The following TTC3 variants were observed in gnomAD, a reference collection of about 807,000 sequenced individuals.
TTC3 encodes the protein tetratricopeptide repeat domain 3.
In TTC3, 180 loss-of-function variants were observed where a neutral mutation model predicts 249.6. The observed-to-expected ratio is 0.72, with a 90% CI of 0.64 to 0.82. The LOEUF is 0.82. TTC3 is among the 40% of genes least tolerant of loss of function. The pLI, the probability that TTC3 is intolerant of heterozygous loss-of-function variation, is 0.00. For missense variants in TTC3, 2,061 were observed against 2,398.4 expected (o/e 0.86, Z 2.94); for synonymous variants, 717 against 805.0 (o/e 0.89, Z 1.85).
chr21:37,139,961 GT>G (rs2078286915), intron 19 of TTC3, among the ~76,000 whole-genome samples: 1 of 152,066 alleles, frequency 6.6e-6, no homozygotes, highest in Non-Finnish European at 1.5e-5. Flanking sequence ...TCACAGTAGG[GT>G]TACCAGTATT....
intron 16 of TTC3, among the ~76,000 whole-genome samples, chr21:37,131,034 G>A (rs2077430117): frequency 6.6e-6 from 1 of 152,190 alleles, no homozygotes; most frequent in African/African-American, 2.4e-5. Context: ...ACAGGAGGGT[G>A]TGGTATAATA....
chr21:37,076,205 T>G (rs1179933325), intron 1 of TTC3, among the ~76,000 whole-genome samples: 1 of 152,224 alleles, frequency 6.6e-6, no homozygotes, highest in African/African-American at 2.4e-5. Context: ...TATAGTTTCC[T>G]GGGACTTGCT....
chr21:37,118,795 A>G (rs1003719), intron 11 of TTC3, among the ~76,000 whole-genome samples: 72,906 of 151,884 alleles, frequency 0.48, 18,211 homozygotes, highest in Non-Finnish European at 0.56. Flanking sequence ...TATGTCTTCA[A>G]GCTCACCCAT....
At chr21:37,151,388 T>G (rs2079451798) in intron 25 of TTC3, among the ~76,000 whole-genome samples, 1 of 152,154 alleles carries the variant, frequency 6.6e-6, no homozygotes, top group African/African-American at 2.4e-5. Flanking sequence ...TGGTCCTGCT[T>G]CTTGTTTTTC....
At chr21:37,150,718 C>G in intron 24 of TTC3, 102 bp from the exon 25 acceptor site, 2 of 797,838 alleles carry the variant, frequency 2.5e-6, no homozygotes, top group Non-Finnish European at 4.4e-6. Flanking sequence ...CTCTATCAAA[C>G]TGAACATTAT....
intron 1 of TTC3, among the ~76,000 whole-genome samples, chr21:37,075,452 CTA>C (rs778060389): frequency 6.6e-6 from 1 of 152,194 alleles, no homozygotes; most frequent in Non-Finnish European, 1.5e-5. Context: ...GGATTGTAGG[CTA>C]TGTGCGTCTT....
At chr21:37,161,587 G>T (rs2080756516) in intron 30 of TTC3, among the ~76,000 whole-genome samples, 1 of 152,236 alleles carries the variant, frequency 6.6e-6, no homozygotes, top group Admixed American at 6.5e-5. Context: ...AGTCTTTGGT[G>T]GGTTCTTCAT....
chr21:37,096,119 G>A (rs1432688266), intron 9 of TTC3, among the ~76,000 whole-genome samples: 1 of 152,222 alleles, frequency 6.6e-6, no homozygotes, highest in Admixed American at 6.5e-5. Context: ...GGAGGAAAGG[G>A]AGATACGTTT....
intron 17 of TTC3, 117 bp downstream of exon 17, chr21:37,132,883 A>G (rs1448873610): frequency 4.1e-6 from 3 of 735,692 alleles, no homozygotes; most frequent in Non-Finnish European, 6.1e-6. Flanking sequence ...TTATTGTATT[A>G]TATTGTAGTT....
intron 8 of TTC3, 77 bp downstream of exon 8, chr21:37,094,167 C>G (rs1231216250): frequency 5.5e-6 from 4 of 730,752 alleles, no homozygotes; most frequent in Non-Finnish European, 8.5e-6. Context: ...GTTAATAAAA[C>G]TGCTGACAAT....
Position 37,151,279 on chromosome 21 carries a change from A to AT in TTC3, c.2276+401dup, listed in dbSNP as rs1412681763. Among the ~76,000 whole-genome samples, 5 of 152,120 alleles carry AT rather than the reference A, an allele frequency of 3.3e-5. No individual in the cohort carries two copies. In the East Asian group the frequency reaches 7.7e-4, roughly 24 times the overall value. On this transcript the variant is annotated intron_variant, in intron 25 of 45. Coordinates refer to ENST00000355666, the Ensembl canonical transcript of TTC3. ...CAGTAAACATTTTGAACCTATGACT[A>AT]TTTTTTACCCTGAAATACTCAATGT... is the stretch of plus-strand genomic sequence containing the variant.
chr21:37,159,833 A>G, intron 29 of TTC3, 88 bp downstream of exon 29: 2 of 1,248,682 alleles, frequency 1.6e-6, no homozygotes, highest in Non-Finnish European at 1.2e-6. Flanking sequence ...GTTTATTGAC[A>G]TCACAGCCAG....
intron 18 of TTC3, among the ~76,000 whole-genome samples, chr21:37,136,011 A>G (rs1161006270): frequency 2.0e-5 from 3 of 152,140 alleles, no homozygotes; most frequent in African/African-American, 7.2e-5. Flanking sequence ...TTATCACTGT[A>G]TCTGTGATCA....
intron 27 of TTC3, among the ~76,000 whole-genome samples, chr21:37,154,034 C>G (rs1267824962): frequency 6.6e-6 from 1 of 152,210 alleles, no homozygotes; most frequent in African/African-American, 2.4e-5. Flanking sequence ...GGCGCTTTGC[C>G]TAAAGCCATG....
chr21:37,090,664 A>G (rs1467781351), intron 6 of TTC3: 2 of 339,506 alleles, frequency 5.9e-6, no homozygotes, highest in Non-Finnish European at 8.4e-6. Context: ...AATGATACTG[A>G]TGCCATAAAC....
intron 21 of TTC3, among the ~76,000 whole-genome samples, 177 bp from the exon 22 acceptor site, chr21:37,147,304 T>C (rs1236790628): frequency 6.6e-6 from 1 of 152,234 alleles, no homozygotes; most frequent in Non-Finnish European, 1.5e-5. Context: ...ATGTCTCTTA[T>C]CAGCCTTCCT....
intron 35 of TTC3, among the ~76,000 whole-genome samples, chr21:37,181,197 A>T (rs1048195212): frequency 1.3e-5 from 2 of 152,228 alleles, no homozygotes; most frequent in Admixed American, 1.3e-4. Context: ...CCTGAGCTAT[A>T]TGTGTATGTA....
At chr21:37,081,425 G>GT (rs1395764791) in intron 1 of TTC3, among the ~76,000 whole-genome samples, 2 of 151,946 alleles carry the variant, frequency 1.3e-5, no homozygotes, top group Non-Finnish European at 2.9e-5. Flanking sequence ...CTATTTATGC[G>GT]TTTTTTGAAG....
intron 11 of TTC3, among the ~76,000 whole-genome samples, chr21:37,112,823 C>T (rs974367423): frequency 1.3e-5 from 2 of 152,186 alleles, no homozygotes; most frequent in African/African-American, 4.8e-5. Flanking sequence ...TCCAGCAACA[C>T]ATCAAAAAGG....
Sources: gnomAD v4.1 joint callset for allele counts (sites outside exome capture counted in the v4.1 genomes callset) on GRCh38, gnomAD v4.1.1 for gene constraint, MANE v1.5 for transcripts, NCBI Gene and HGNC (gene_info 2026-07-23, HGNC 2026-07-21) for gene names.